The following PCDH15 variants were observed in gnomAD, a reference collection of about 807,000 sequenced individuals.
The protein encoded by PCDH15 is protocadherin-15.
A neutral mutation model predicts 178.5 loss-of-function variants in PCDH15; 129 were observed. That is an observed-to-expected ratio of 0.72 (90% CI 0.63 to 0.84). PCDH15 has a LOEUF of 0.84. Among genes scored for constraint, PCDH15 ranks in the 40% least tolerant of loss-of-function variants. The pLI, the probability that PCDH15 is intolerant of heterozygous loss-of-function variation, is 0.00. For synonymous variants in PCDH15, 800 were observed against 732.0 expected (o/e 1.09, Z -1.50); for missense variants, 2,230 against 2,099.9 (o/e 1.06, Z -1.21).
chr10:54,363,011 C>T (rs911355999), intron 5 of PCDH15, among the ~76,000 whole-genome samples: 2 of 151,992 alleles, frequency 1.3e-5, no homozygotes, highest in Non-Finnish European at 2.9e-5. Context: ...TCAAAGCAAA[C>T]TCTTGCTTTC....
At chr10:54,973,830 CCA>C (rs1432315913) in intron 2 of PCDH15, among the ~76,000 whole-genome samples, 1 of 151,902 alleles carries the variant, frequency 6.6e-6, no homozygotes, top group Non-Finnish European at 1.5e-5. Context: ...CAATACACAA[CCA>C]CACACACACT....
chr10:53,940,059 C>G (rs1170745780), intron 24 of PCDH15, among the ~76,000 whole-genome samples: 2 of 152,058 alleles, frequency 1.3e-5, no homozygotes, highest in Non-Finnish European at 2.9e-5. Flanking sequence ...CATTAAAAAG[C>G]TTAACAGGGC....
chr10:53,888,321 CGT>C (rs1491448031), intron 26 of PCDH15, among the ~76,000 whole-genome samples: 2 of 26,348 alleles, frequency 7.6e-5, no homozygotes, highest in Non-Finnish European at 1.4e-4. Context: ...TATATATGTA[CGT>C]ATATATATGT....
chr10:54,639,191 C>T (rs748621654), intron 2 of PCDH15, among the ~76,000 whole-genome samples: 17 of 151,990 alleles, frequency 1.1e-4, no homozygotes, highest in East Asian at 5.8e-4. Context: ...TATAAATAAA[C>T]GATAAATCCA....
intron 5 of PCDH15, among the ~76,000 whole-genome samples, chr10:54,358,234 C>A (rs1304827998): frequency 6.6e-6 from 1 of 151,062 alleles, no homozygotes; most frequent in Non-Finnish European, 1.5e-5. Context: ...AGGCAACCTA[C>A]AAAATGGGAG....
intron 2 of PCDH15, among the ~76,000 whole-genome samples, chr10:55,091,896 T>C (rs1842328320): frequency 6.6e-6 from 1 of 151,808 alleles, no homozygotes; most frequent in Non-Finnish European, 1.5e-5. Context: ...AGTGTACTAT[T>C]TATCTTACCA....
chr10:53,838,975 C>A (rs1009265165), intron 29 of PCDH15, among the ~76,000 whole-genome samples: 1 of 151,898 alleles, frequency 6.6e-6, no homozygotes, highest in South Asian at 2.1e-4. Flanking sequence ...GATGCCAAGG[C>A]GGGCGGATCA....
At chr10:55,369,266 A>G (rs1263487076) in intron 2 of PCDH15, among the ~76,000 whole-genome samples, 1 of 151,990 alleles carries the variant, frequency 6.6e-6, no homozygotes, top group Admixed American at 6.6e-5. Flanking sequence ...ATGCTAGGTA[A>G]GTAGTTTCTG....
chr10:55,600,818 G>A (rs1843059855), intron 2 of PCDH15, among the ~76,000 whole-genome samples: 1 of 151,698 alleles, frequency 6.6e-6, no homozygotes, highest in African/African-American at 2.4e-5. Flanking sequence ...ATAAATTTCA[G>A]GTTCTTATGC....
At chr10:54,925,428 G>GT (rs35799247) in intron 2 of PCDH15, among the ~76,000 whole-genome samples, 31 of 131,634 alleles carry the variant, frequency 2.4e-4, no homozygotes, top group African/African-American at 5.2e-4. Context: ...CTATTCAGGC[G>GT]TTTTTTTTTG....
At chr10:54,004,231 C>A (rs902776978) in intron 20 of PCDH15, among the ~76,000 whole-genome samples, 1 of 152,008 alleles carries the variant, frequency 6.6e-6, no homozygotes, top group African/African-American at 2.4e-5. Flanking sequence ...TGGGACACAA[C>A]CAGGATGCCC....
intron 5 of PCDH15, among the ~76,000 whole-genome samples, chr10:54,354,077 C>T (rs988437674): frequency 6.6e-6 from 1 of 152,034 alleles, no homozygotes; most frequent in African/African-American, 2.4e-5. Flanking sequence ...CCTCCACCTC[C>T]TGGGTTCAAG....
intron 25 of PCDH15, chr10:53,905,288 C>T: frequency 2.0e-6 from 1 of 504,452 alleles, no homozygotes; most frequent in Middle Eastern, 3.3e-4. Flanking sequence ...AAATAGGATA[C>T]ATTAAATCAA....
chr10:54,467,606 T>A (rs896796043), intron 3 of PCDH15, among the ~76,000 whole-genome samples: 1 of 146,512 alleles, frequency 6.8e-6, no homozygotes, highest in Non-Finnish European at 1.5e-5. Flanking sequence ...CTGTAGTTTT[T>A]TTTTTTTTTT....
intron 1 of PCDH15, among the ~76,000 whole-genome samples, chr10:55,285,628 T>A (rs1842850070): frequency 1.3e-5 from 2 of 151,820 alleles, no homozygotes; most frequent in Admixed American, 6.6e-5. Flanking sequence ...TTTCTTAGGA[T>A]TAATTCCTAT....
intron 1 of PCDH15, among the ~76,000 whole-genome samples, chr10:54,728,549 C>T (rs561589855): frequency 2.0e-5 from 3 of 151,338 alleles, no homozygotes; most frequent in Admixed American, 6.6e-5. Context: ...TGCCCAGTTT[C>T]ACCAATCCTG....
intron 3 of PCDH15, among the ~76,000 whole-genome samples, chr10:54,421,258 C>T (rs539790585): frequency 6.6e-6 from 1 of 151,720 alleles, no homozygotes; most frequent in South Asian, 2.1e-4. Context: ...CATGAAATGA[C>T]TTAAATTGGA....
intron 1 of PCDH15, among the ~76,000 whole-genome samples, chr10:55,217,614 T>C (rs1840743550): frequency 6.6e-6 from 1 of 151,918 alleles, no homozygotes; most frequent in South Asian, 2.1e-4. Context: ...ATTATATTCA[T>C]AATGCTGAAT....
intron 2 of PCDH15, among the ~76,000 whole-genome samples, chr10:55,526,796 C>A (rs966149914): frequency 3.3e-5 from 5 of 151,968 alleles, no homozygotes; most frequent in African/African-American, 1.2e-4. Flanking sequence ...TTGTAGAATT[C>A]AAAGGAATGG....
Sources: allele counts gnomAD v4.1 joint callset (sites outside exome capture counted in the v4.1 genomes callset), GRCh38; gene constraint gnomAD v4.1.1; transcripts MANE v1.5; gene names NCBI Gene and HGNC (gene_info 2026-07-23, HGNC 2026-07-21).